FHIT: variants seen among roughly 807,000 people sequenced by gnomAD.
The protein encoded by FHIT is fragile histidine triad diadenosine triphosphatase.
A neutral mutation model predicts 17.9 loss-of-function variants in FHIT; 19 were observed. The ratio of observed to expected loss-of-function variants is 1.06; its 90% CI spans 0.74 to 1.56. The LOEUF is 1.56. FHIT is among the 40% of genes most tolerant of loss of function. FHIT has a pLI of 0.00. For synonymous variants in FHIT, 81 were observed against 69.7 expected, an observed-to-expected ratio of 1.16 and a Z score of -0.81; for missense variants, 248 against 189.2, an observed-to-expected ratio of 1.31 and a Z score of -1.82.
At chr3:60,357,559 A>G (rs561921761) in intron 5 of FHIT, among the ~76,000 whole-genome samples, 21 of 152,150 alleles carry the variant, frequency 1.4e-4, no homozygotes, top group African/African-American at 4.3e-4. Flanking sequence ...ATCACTTTCA[A>G]TGGGTCCCAA....
intron 5 of FHIT, among the ~76,000 whole-genome samples, chr3:60,096,283 G>A (rs575139580): frequency 1.4e-4 from 22 of 152,270 alleles, no homozygotes; most frequent in African/African-American, 5.1e-4. Context: ...GGGATGCAGG[G>A]GTGGTCCCCC....
chr3:61,249,837 G>C (rs2040570204), intron 1 of FHIT, among the ~76,000 whole-genome samples: 1 of 152,040 alleles, frequency 6.6e-6, no homozygotes, highest in East Asian at 1.9e-4. Context: ...AAATGGTCAA[G>C]TGTTAGTGGT....
intron 5 of FHIT, among the ~76,000 whole-genome samples, chr3:60,300,803 C>G (rs1468411232): frequency 2.0e-5 from 3 of 152,026 alleles, no homozygotes; most frequent in African/African-American, 7.2e-5. Context: ...ACCTCTGACT[C>G]CCCCTATTCC....
intron 5 of FHIT, among the ~76,000 whole-genome samples, chr3:60,384,259 T>A (rs568450934): frequency 2.6e-4 from 36 of 139,094 alleles, no homozygotes; most frequent in African/African-American, 9.8e-4. Flanking sequence ...AGACCAAGAC[T>A]CCGTCTTAAA....
chr3:60,491,492 GA>G (rs1026293569), intron 5 of FHIT, among the ~76,000 whole-genome samples: 4 of 151,812 alleles, frequency 2.6e-5, no homozygotes, highest in African/African-American at 9.7e-5. Context: ...CTTGGATTAT[GA>G]AAAATGCATA....
At position 60,475,142 on chromosome 3, in the gene FHIT, G is replaced by A. The variant is rs180748982; in HGVS notation, c.103+61718C>T. Among the ~76,000 whole-genome samples the A allele has an allele frequency of 7.4e-3, 1,077 of 146,470 alleles. 7 individuals carry two copies. Among genetic ancestry groups the A allele is most frequent in the Non-Finnish European group, 7.9e-3 (537 of 67,962 alleles). On this transcript the variant is annotated intron_variant, in intron 5 of 9. Transcript: ENST00000492590. ...ACTACTAGTTGCTGTAGCAACTGTC[G>A]AAGTGTTTTACTATGTGCCAGGCAC...
At chr3:60,050,628 C>G (rs984752798) in intron 5 of FHIT, among the ~76,000 whole-genome samples, 1 of 152,136 alleles carries the variant, frequency 6.6e-6, no homozygotes, top group Non-Finnish European at 1.5e-5. Context: ...AGAATCCAGG[C>G]GCAGGATCCC....
At chr3:60,844,047 G>C (rs1702836868) in intron 3 of FHIT, among the ~76,000 whole-genome samples, 1 of 152,092 alleles carries the variant, frequency 6.6e-6, no homozygotes, top group African/African-American at 2.4e-5. Context: ...AATAGGGCAA[G>C]AGCACTTATG....
intron 5 of FHIT, among the ~76,000 whole-genome samples, chr3:60,440,727 T>C (rs2030723772): frequency 1.3e-5 from 2 of 152,094 alleles, no homozygotes; most frequent in African/African-American, 4.8e-5. Context: ...TGCCTGTCTT[T>C]CTGCAATATT....
chr3:60,548,851 C>T (rs2036455294), intron 4 of FHIT, among the ~76,000 whole-genome samples: 1 of 152,202 alleles, frequency 6.6e-6, no homozygotes, highest in Non-Finnish European at 1.5e-5. Flanking sequence ...TCCTATACTT[C>T]ATCATACTCT....
At chr3:61,064,670 G>C (rs1015377207) in intron 2 of FHIT, among the ~76,000 whole-genome samples, 2 of 152,092 alleles carry the variant, frequency 1.3e-5, no homozygotes, top group African/African-American at 4.8e-5. Context: ...ATAAGGCTCT[G>C]CCACTTGAGA....
intron 4 of FHIT, among the ~76,000 whole-genome samples, chr3:60,801,220 G>T (rs370480427): frequency 6.6e-6 from 1 of 152,168 alleles, no homozygotes; most frequent in African/African-American, 2.4e-5. Flanking sequence ...CCAGTCAGGG[G>T]TTATTCCGTG....
At chr3:59,775,213 G>T (rs1255480346) in intron 8 of FHIT, among the ~76,000 whole-genome samples, 13 of 152,096 alleles carry the variant, frequency 8.5e-5, no homozygotes, top group Admixed American at 3.9e-4. Context: ...GGTGTTTAGG[G>T]TTTGCAATGA....
intron 4 of FHIT, among the ~76,000 whole-genome samples, chr3:60,668,543 G>A (rs1297016094): frequency 6.9e-6 from 1 of 145,318 alleles, no homozygotes; most frequent in Non-Finnish European, 1.5e-5. Flanking sequence ...GCCTAGGGAG[G>A]CCAGCTCATT....
At chr3:59,993,132 T>A (rs911024597) in intron 7 of FHIT, among the ~76,000 whole-genome samples, 1 of 152,114 alleles carries the variant, frequency 6.6e-6, no homozygotes, top group Admixed American at 6.6e-5. Context: ...TTTTCTTACA[T>A]CCGGGAAATT....
In FHIT at chr3:59,897,618, T is replaced by C. The variant is rs1704127900; in HGVS notation, c.348+24728A>G. ...GAAATAATGAAGCCATCTTTAGACATGAACAAATATAAGCACAGCTTACCA... is the reference window on the plus strand; with the variant it reads ...GAAATAATGAAGCCATCTTTAGACACGAACAAATATAAGCACAGCTTACCA... On this transcript the variant is annotated intron_variant, in intron 8 of 9. Coordinates refer to ENST00000492590, the MANE Select transcript of FHIT (RefSeq NM_002012.4). Among the ~76,000 whole-genome samples, 3 of 152,166 alleles carry C rather than the reference T, an allele frequency of 2.0e-5. No individual in the cohort carries two copies. In the South Asian group the frequency reaches 6.2e-4, roughly 32 times the overall value.
At chr3:60,024,874 G>A (rs1376604596) in intron 5 of FHIT, among the ~76,000 whole-genome samples, 1 of 152,224 alleles carries the variant, frequency 6.6e-6, no homozygotes, top group Non-Finnish European at 1.5e-5. Context: ...GGAGAGTGGA[G>A]ATGTATGACA....
chr3:60,567,203 C>T (rs1351323819), intron 4 of FHIT, among the ~76,000 whole-genome samples: 23 of 152,210 alleles, frequency 1.5e-4, no homozygotes, highest in African/African-American at 4.3e-4. Context: ...TACCTGACTT[C>T]GAACTATACT....
At chr3:60,813,927 T>A (rs527603691) in intron 4 of FHIT, among the ~76,000 whole-genome samples, 47 of 152,344 alleles carry the variant, frequency 3.1e-4, no homozygotes, top group Middle Eastern at 3.4e-3. Flanking sequence ...TCCTATGCTG[T>A]TTCCATGGTG....
Sources: gnomAD v4.1 joint callset for allele counts (sites outside exome capture counted in the v4.1 genomes callset) on GRCh38, gnomAD v4.1.1 for gene constraint, MANE v1.5 for transcripts, NCBI Gene and HGNC (gene_info 2026-07-23, HGNC 2026-07-21) for gene names.